The following CNTLN variants were observed in gnomAD, a reference collection of about 807,000 sequenced individuals.
The protein encoded by CNTLN is centlein, centrosomal protein.
A neutral mutation model predicts 180.0 loss-of-function variants in CNTLN; 212 were observed. The observed-to-expected ratio is 1.18, with a 90% CI of 1.05 to 1.32. The LOEUF (loss-of-function observed/expected upper bound fraction) is 1.32. CNTLN is among the 40% of genes most tolerant of loss of function. CNTLN has a pLI of 0.00. For missense variants in CNTLN, 2,095 were observed against 1,610.9 expected, an observed-to-expected ratio of 1.30 and a Z score of -5.14; for synonymous variants, 722 against 563.1, an observed-to-expected ratio of 1.28 and a Z score of -3.99.
chr9:17,411,621 G>A (rs113891429), intron 16 of CNTLN, among the ~76,000 whole-genome samples: 17 of 152,270 alleles, frequency 1.1e-4, no homozygotes, highest in African/African-American at 4.1e-4. Context: ...TACGGCCTGA[G>A]CTCTGCCTCC....
At chr9:17,266,260 A>G (rs189417269) in intron 5 of CNTLN, among the ~76,000 whole-genome samples, 1 of 152,310 alleles carries the variant, frequency 6.6e-6, no homozygotes, top group Non-Finnish European at 1.5e-5. Flanking sequence ...TTGGTTTCAA[A>G]TAACATCTTT....
intron 25 of CNTLN, among the ~76,000 whole-genome samples, chr9:17,488,895 G>A (rs79402320): frequency 0.013 from 2,031 of 152,170 alleles, 22 homozygotes; most frequent in Non-Finnish European, 0.021. Flanking sequence ...CGCTGCTGTT[G>A]CTGTTATACG....
intron 25 of CNTLN, among the ~76,000 whole-genome samples, chr9:17,497,959 T>C (rs1833545551): frequency 6.6e-6 from 1 of 152,164 alleles, no homozygotes; most frequent in Non-Finnish European, 1.5e-5. Flanking sequence ...TACATTATCG[T>C]ATCTTACTAA....
intron 16 of CNTLN, among the ~76,000 whole-genome samples, chr9:17,413,306 A>T (rs1222254434): frequency 6.6e-6 from 1 of 152,166 alleles, no homozygotes; most frequent in African/African-American, 2.4e-5. Context: ...AAATCATAAA[A>T]CTTTCAGAAA....
At chr9:17,305,306 G>A (rs183843509) in intron 7 of CNTLN, among the ~76,000 whole-genome samples, 22 of 152,132 alleles carry the variant, frequency 1.4e-4, no homozygotes, top group East Asian at 1.2e-3. Context: ...AATGTAATAC[G>A]TGGTTACATT....
chr9:17,510,225 G>A, the CNTLN span, among the ~76,000 whole-genome samples: 2 of 151,960 alleles, frequency 1.3e-5, no homozygotes, highest in African/African-American at 4.8e-5. Context: ...GAGGGGAAAG[G>A]GAATAGGGAA....
At chr9:17,331,279 G>C (rs1169541945) in intron 9 of CNTLN, among the ~76,000 whole-genome samples, 16 of 151,570 alleles carry the variant, frequency 1.1e-4, no homozygotes. Context: ...TTCTGCACTT[G>C]TTATATATTT....
At chr9:17,206,876 C>T (rs1458736060) in intron 2 of CNTLN, among the ~76,000 whole-genome samples, 1 of 152,204 alleles carries the variant, frequency 6.6e-6, no homozygotes, top group Non-Finnish European at 1.5e-5. Context: ...TTTTTGTGTT[C>T]CTTGAGCCCA....
chr9:17,330,067 T>C (rs1411920619), intron 8 of CNTLN, among the ~76,000 whole-genome samples: 1 of 152,044 alleles, frequency 6.6e-6, no homozygotes, highest in African/African-American at 2.4e-5. Context: ...GTTGTTAAAA[T>C]GTGGAGCTTA....
intron 8 of CNTLN, among the ~76,000 whole-genome samples, chr9:17,309,491 G>T (rs1818976933): frequency 6.6e-6 from 1 of 152,090 alleles, no homozygotes; most frequent in African/African-American, 2.4e-5. Context: ...TTATCGTGAT[G>T]AAACATTTGG....
At chr9:17,468,029 G>C (rs1007649482) in intron 23 of CNTLN, among the ~76,000 whole-genome samples, 6 of 151,690 alleles carry the variant, frequency 4.0e-5, no homozygotes, top group African/African-American at 1.2e-4. Flanking sequence ...AGAAATTGTA[G>C]TACATACACA....
At chr9:17,248,746 G>A (rs1461538186) in intron 5 of CNTLN, among the ~76,000 whole-genome samples, 1 of 151,208 alleles carries the variant, frequency 6.6e-6, no homozygotes, top group African/African-American at 2.4e-5. Context: ...CATTTTATAA[G>A]GTATTTAGCA....
chr9:17,273,942 T>C, intron 6 of CNTLN, 76 bp downstream of exon 6: 1 of 1,060,566 alleles, frequency 9.4e-7, no homozygotes, highest in Non-Finnish European at 1.4e-6. Context: ...TTATACTTAT[T>C]ACTAACACCC....
intron 5 of CNTLN, among the ~76,000 whole-genome samples, chr9:17,252,957 G>A (rs1242839774): frequency 6.6e-6 from 1 of 151,570 alleles, no homozygotes; most frequent in African/African-American, 2.4e-5. Flanking sequence ...TGAGAGATGT[G>A]TCCAGTTTCA....
intron 2 of CNTLN, among the ~76,000 whole-genome samples, chr9:17,144,245 T>C (rs1818294864): frequency 6.6e-6 from 1 of 152,238 alleles, no homozygotes. Flanking sequence ...CATCTTTGGT[T>C]ATTATGAACA....
intron 18 of CNTLN, among the ~76,000 whole-genome samples, chr9:17,455,499 A>T (rs1831057592): frequency 6.6e-6 from 1 of 152,202 alleles, no homozygotes; most frequent in Non-Finnish European, 1.5e-5. Flanking sequence ...AGGTACATTT[A>T]TAGTGTCAGG....
chr9:17,180,357 T>C (rs1441461499), intron 2 of CNTLN, among the ~76,000 whole-genome samples: 2 of 136,220 alleles, frequency 1.5e-5, no homozygotes, highest in Non-Finnish European at 3.0e-5. Context: ...TATTATATTA[T>C]ATTATATTAT....
At chr9:17,438,736 T>G (rs764714327) in intron 18 of CNTLN, among the ~76,000 whole-genome samples, 6 of 152,192 alleles carry the variant, frequency 3.9e-5, no homozygotes, top group Non-Finnish European at 8.8e-5. Context: ...AAGCCTGGGC[T>G]AGACATATAA....
chr9:17,239,153 C>T (rs1050493227), intron 5 of CNTLN, among the ~76,000 whole-genome samples: 1 of 152,080 alleles, frequency 6.6e-6, no homozygotes, highest in Non-Finnish European at 1.5e-5. Context: ...ATTCTCCTCC[C>T]GAGAAGAGGC....
Sources: gnomAD v4.1 joint callset for allele counts (sites outside exome capture counted in the v4.1 genomes callset) on GRCh38, gnomAD v4.1.1 for gene constraint, MANE v1.5 for transcripts, NCBI Gene and HGNC (gene_info 2026-07-23, HGNC 2026-07-21) for gene names.